WDR62: variants seen among roughly 807,000 people sequenced by gnomAD.
WDR62 encodes WD repeat-containing protein 62.
A neutral mutation model predicts 160.6 loss-of-function variants in WDR62; 112 were observed. The ratio of observed to expected loss-of-function variants is 0.70; its 90% CI spans 0.60 to 0.82. The LOEUF is 0.82. Ranked by LOEUF, WDR62 falls within the 40% of genes least tolerant of loss-of-function variation. WDR62 has a pLI of 0.00. For synonymous variants in WDR62, 792 were observed against 815.1 expected (o/e 0.97, Z 0.48); for missense variants, 1,819 against 1,983.8 (o/e 0.92, Z 1.58).
At chr19:36,086,580 CA>C in intron 12 of WDR62, 106 bp from the exon 13 acceptor site, 2 of 1,419,582 alleles carry the variant, frequency 1.4e-6, no homozygotes, top group Non-Finnish European at 1.9e-6. Context: ...GTTGAAGAAC[CA>C]AAGACCCCTT....
intron 7 of WDR62, chr19:36,070,288 A>T (rs912128536): frequency 2.0e-5 from 3 of 151,294 alleles, no homozygotes; most frequent in Non-Finnish European, 4.4e-5. Context: ...CCTCCCAAGT[A>T]GCTGGGATTA....
intron 9 of WDR62, chr19:36,075,875 C>T (rs1271489326): frequency 6.6e-6 from 1 of 152,184 alleles, no homozygotes; most frequent in Non-Finnish European, 1.5e-5. Context: ...TTGCTCTCAT[C>T]TGCCATTTGG....
intron 3 of WDR62, chr19:36,062,669 A>C (rs1237895560): frequency 2.0e-5 from 3 of 151,230 alleles, no homozygotes; most frequent in African/African-American, 7.3e-5. Context: ...AAAAAAAAAA[A>C]AAAAAACTTA....
At chr19:36,092,517 G>A (rs1437186524) in intron 18 of WDR62, among the ~76,000 whole-genome samples, 172 bp from the exon 19 acceptor site, 1 of 147,490 alleles carries the variant, frequency 6.8e-6, no homozygotes, top group African/African-American at 2.6e-5. Flanking sequence ...GGCCCAGGGT[G>A]TGGATGTGGC....
chr19:36,099,665 G>T (rs368263262), intron 22 of WDR62, 48 bp downstream of exon 22: 163 of 1,593,596 alleles, frequency 1.0e-4, no homozygotes, highest in Non-Finnish European at 1.4e-4. Context: ...CACCGTGACG[G>T]CCCCAGGGCC....
At chr19:36,076,971 G>A (rs1414115804) in intron 9 of WDR62, among the ~76,000 whole-genome samples, 1 of 151,830 alleles carries the variant, frequency 6.6e-6, no homozygotes, top group Non-Finnish European at 1.5e-5. Flanking sequence ...ATGTATGTGT[G>A]TGTGTGTATA....
At chr19:36,100,981 G>C in intron 23 of WDR62, 106 bp downstream of exon 23, 1 of 1,572,040 alleles carries the variant, frequency 6.4e-7, no homozygotes, top group South Asian at 1.1e-5. Context: ...TGTGGGAGTG[G>C]GGACAGTTGA....
intron 15 of WDR62, 136 bp downstream of exon 15, chr19:36,089,442 T>TTTTTTG (rs759833239): frequency 6.1e-6 from 9 of 1,474,500 alleles, no homozygotes; most frequent in South Asian, 2.3e-5. Flanking sequence ...TTCTTGGTTT[T>TTTTTTG]TTTTTGTTTT....
intron 9 of WDR62, among the ~76,000 whole-genome samples, chr19:36,078,697 G>A (rs1971718831): frequency 6.6e-6 from 1 of 151,614 alleles, no homozygotes; most frequent in Non-Finnish European, 1.5e-5. Flanking sequence ...TTAGCTGGCC[G>A]TGGTGGCGGG....
chr19:36,101,640 C>T (rs1474476066), intron 24 of WDR62, 24 bp from the exon 25 acceptor site: 4 of 1,538,064 alleles, frequency 2.6e-6, no homozygotes, highest in East Asian at 2.4e-5. Flanking sequence ...GCTGTGGGCT[C>T]CTGACCCCGA....
intron 11 of WDR62, among the ~76,000 whole-genome samples, chr19:36,084,225 G>A (rs183127680): frequency 1.3e-5 from 2 of 152,284 alleles, no homozygotes. Flanking sequence ...GGGAGAATCA[G>A]GAAGGTCTAG....
At chr19:36,073,725 C>T (rs1475007793) in intron 9 of WDR62, 194 bp downstream of exon 9, 3 of 673,566 alleles carry the variant, frequency 4.5e-6, no homozygotes, top group Non-Finnish European at 8.2e-6. Flanking sequence ...GGAAAGGAAA[C>T]CTGGAAACAT....
chr19:36,099,310 A>G, intron 21 of WDR62, 89 bp from the exon 22 acceptor site: 1 of 1,033,132 alleles, frequency 9.7e-7, no homozygotes, highest in Non-Finnish European at 1.5e-6. Flanking sequence ...GAAAGCCAAG[A>G]GTCCAGATGG....
intron 9 of WDR62, among the ~76,000 whole-genome samples, chr19:36,078,792 T>C (rs1291319912): frequency 1.4e-5 from 2 of 141,018 alleles, no homozygotes; most frequent in African/African-American, 2.7e-5. Flanking sequence ...GCCAAGATCG[T>C]GCCATTGCAC....
In WDR62 at chr19:36,083,459, A is replaced by G. The variant is rs8105294; in HGVS notation, c.1550+218A>G. 0.93 allele frequency among the ~76,000 whole-genome samples: 141,438 copies of G among 152,296 alleles called. 65,766 individuals carry two copies. Among genetic ancestry groups the G allele is most frequent in the East Asian group, 1 (5,182 of 5,186 alleles). On this transcript the variant is annotated intron_variant, in intron 11 of 31. Transcript: ENST00000401500. Reference sequence around the variant, plus strand: ...AGTAACTACCAGGACCTCAGCAGCTAGGGTGTGCAGATTTTGCCTATAGAG... The same window carrying G: ...AGTAACTACCAGGACCTCAGCAGCTGGGGTGTGCAGATTTTGCCTATAGAG...
At chr19:36,094,965 A>G (rs1972869337) in intron 20 of WDR62, among the ~76,000 whole-genome samples, 1 of 152,186 alleles carries the variant, frequency 6.6e-6, no homozygotes, top group East Asian at 1.9e-4. Context: ...CAGGAATTCC[A>G]TGTTATAATG....
chr19:36,100,855 G>C lies in WDR62; in HGVS notation c.2847G>C (p.Val949=), dbSNP rs1267822702. ...ELILYSLEAE[V]TVTGTDSQYC... ...TCCTCTACTCTCTGGAGGCAGAAGT[G>C]ACAGTCACAGGGACAGACAGGTGGG... The change falls in exon 23 of 32, where the codon GTG becomes GTC. Residue 949 remains valine (V), a synonymous_variant. Coordinates refer to ENST00000401500, the MANE Select transcript of WDR62 (RefSeq NM_001083961.2). 1.9e-6 allele frequency: 3 copies of C among 1,614,238 alleles called. No individual in the cohort carries two copies. In the Admixed American group the frequency reaches 5.0e-5, roughly 27 times the overall value.
rs767786591 is a variant in WDR62 at position 36,067,404 on chromosome 19, T to C, written c.660T>C (p.His220=). 1.4e-5 allele frequency: 22 copies of C among 1,614,084 alleles called. No homozygotes were observed. Among genetic ancestry groups the C allele is most frequent in the Non-Finnish European group, 1.8e-5 (21 of 1,180,046 alleles). The change falls in exon 6 of 32, where the codon CAT becomes CAC. Residue 220 remains histidine, a synonymous_variant. Transcript: ENST00000401500. ...ATTTTGTCACTGTTGGGAACCGCCATGTGAGGTTCTGGTTCTTGGAAGTCT... is the reference window on the plus strand; with the variant it reads ...ATTTTGTCACTGTTGGGAACCGCCACGTGAGGTTCTGGTTCTTGGAAGTCT... ...SSYFVTVGNR[H]VRFWFLEVST...
rs905324608 is a variant in WDR62 at position 36,058,673 on chromosome 19, T to C, written c.178-107T>C. ...TGGTGGATGGCGTGGCCACAGAAGCTCAGTGTGGGTGTTGAATGTAGCAGG... is the reference window on the plus strand; with the variant it reads ...TGGTGGATGGCGTGGCCACAGAAGCCCAGTGTGGGTGTTGAATGTAGCAGG... On this transcript the variant is annotated intron_variant, in intron 1 of 31. Transcript: ENST00000401500. 6.2e-6 allele frequency: 5 copies of C among 812,508 alleles called. No homozygotes were observed. The African/African-American group carries it at 8.4e-5, about 14-fold the overall frequency. The allele number at this position is 812,508 out of a possible 1,614,324, so 50.3% of individuals were successfully genotyped here. A position where few individuals can be genotyped will look rare whatever the true frequency, so the allele number is the denominator to read the frequency against.
Sources: gnomAD v4.1 joint callset for allele counts (sites outside exome capture counted in the v4.1 genomes callset) on GRCh38, gnomAD v4.1.1 for gene constraint, MANE v1.5 for transcripts, NCBI Gene and HGNC (gene_info 2026-07-23, HGNC 2026-07-21) for gene names.